AUTS2: variants seen among roughly 807,000 people sequenced by gnomAD.
AUTS2 encodes the protein activator of transcription and developmental regulator AUTS2.
Under a neutral mutation model 112.4 loss-of-function variants are expected in AUTS2, and 17 were observed. The observed-to-expected ratio is 0.15, with a 90% CI of 0.10 to 0.23. The LOEUF (loss-of-function observed/expected upper bound fraction) is 0.23, where lower values mean the gene tolerates loss of function less well. AUTS2 is among the 10% of genes least tolerant of loss of function. The probability of loss-of-function intolerance (pLI) is 1.00; values close to 1 mark genes in which losing one functional copy is unlikely to be tolerated. For missense variants in AUTS2, 1,510 were observed against 1,701.6 expected, an observed-to-expected ratio of 0.89 and a Z score of 1.98; for synonymous variants, 751 against 702.7, an observed-to-expected ratio of 1.07 and a Z score of -1.09.
intron 5 of AUTS2, among the ~76,000 whole-genome samples, chr7:70,670,896 G>T (rs1223897189): frequency 6.6e-6 from 1 of 152,232 alleles, no homozygotes; most frequent in African/African-American, 2.4e-5. Flanking sequence ...AACAGGCGGG[G>T]TGCGGTGGCT....
rs1350800698 is a variant in AUTS2, at chr7:69,654,927, A to AT, written c.309+54966dup. Among the ~76,000 whole-genome samples the AT allele has an allele frequency of 5.3e-5, 8 of 152,302 alleles. No homozygotes were observed. The East Asian group carries it at 1.5e-3, about 29-fold the overall frequency. ...GGGCTCCTGACAAGGAAATAAGGCT[A>AT]TAAGTGCTCTTGCTTTGTAAAGATT... On this transcript the variant is annotated intron_variant, in intron 1 of 18. Coordinates refer to ENST00000342771, the MANE Select transcript of AUTS2 (RefSeq NM_015570.4).
intron 5 of AUTS2, among the ~76,000 whole-genome samples, chr7:70,511,331 G>T (rs922314793): frequency 6.6e-6 from 1 of 151,824 alleles, no homozygotes; most frequent in African/African-American, 2.4e-5. Context: ...ATTTCCAAAT[G>T]CGGAAACTGG....
At chr7:69,658,475 A>G (rs2129140935) in intron 1 of AUTS2, among the ~76,000 whole-genome samples, 1 of 152,326 alleles carries the variant, frequency 6.6e-6, no homozygotes, top group Middle Eastern at 3.4e-3. Flanking sequence ...TTAGAGCTAG[A>G]CAATTATATA....
chr7:69,719,922 C>T (rs1259029973), intron 1 of AUTS2, among the ~76,000 whole-genome samples: 1 of 151,980 alleles, frequency 6.6e-6, no homozygotes, highest in African/African-American at 2.4e-5. Context: ...TGGTAGGGAC[C>T]CTGGCATTGT....
chr7:69,820,994 G>A (rs1436492002), intron 1 of AUTS2, among the ~76,000 whole-genome samples: 1 of 152,142 alleles, frequency 6.6e-6, no homozygotes, highest in East Asian at 1.9e-4. Context: ...ACCTGGAAAG[G>A]CTTTATAACG....
At chr7:70,503,463 G>T (rs1798843229) in intron 5 of AUTS2, among the ~76,000 whole-genome samples, 1 of 151,522 alleles carries the variant, frequency 6.6e-6, no homozygotes, top group African/African-American at 2.4e-5. Context: ...CTACTTGAGA[G>T]GTTGAGGTGG....
At chr7:70,644,638 G>A (rs917743806) in intron 5 of AUTS2, among the ~76,000 whole-genome samples, 3 of 151,676 alleles carry the variant, frequency 2.0e-5, no homozygotes, top group Non-Finnish European at 4.4e-5. Context: ...TCCAGCAAAT[G>A]CCCTTCTTGT....
intron 2 of AUTS2, among the ~76,000 whole-genome samples, chr7:69,995,743 C>T (rs1422014818): frequency 6.6e-6 from 1 of 152,160 alleles, no homozygotes; most frequent in Non-Finnish European, 1.5e-5. Flanking sequence ...CATTCCTTCT[C>T]AACCCATAGA....
intron 4 of AUTS2, among the ~76,000 whole-genome samples, chr7:70,178,105 A>G (rs1011182865): frequency 4.0e-5 from 6 of 151,814 alleles, no homozygotes; most frequent in African/African-American, 1.5e-4. Flanking sequence ...TTGTAGAGAC[A>G]GGGTTTCATC....
chr7:70,745,306 T>G (rs532429569), intron 6 of AUTS2, among the ~76,000 whole-genome samples: 92 of 152,322 alleles, frequency 6.0e-4, no homozygotes, highest in African/African-American at 2.0e-3. Context: ...ATTTTTCTAT[T>G]TAGTTTTTAG....
chr7:69,668,073 G>GTGTGTAGT (rs11282556), intron 1 of AUTS2, among the ~76,000 whole-genome samples: 1 of 151,260 alleles, frequency 6.6e-6, no homozygotes, highest in East Asian at 2.0e-4. Flanking sequence ...TGTTTAAATG[G>GTGTGTAGT]TCAACAGATG....
At chr7:70,107,335 CTTTTT>C (rs35066322) in intron 2 of AUTS2, among the ~76,000 whole-genome samples, 2 of 96,936 alleles carry the variant, frequency 2.1e-5, no homozygotes, top group East Asian at 6.3e-4. Context: ...AGATGAGAAG[CTTTTT>C]TTTTTTTTTT....
intron 12 of AUTS2, chr7:70,775,001 C>T (rs1790596753): frequency 3.8e-6 from 1 of 265,344 alleles, no homozygotes; most frequent in African/African-American, 2.2e-5. Context: ...CTTTAAAAGC[C>T]AGGGGTCTGA....
At chr7:70,477,892 G>A (rs201729918) in intron 5 of AUTS2, among the ~76,000 whole-genome samples, 4 of 31,804 alleles carry the variant, frequency 1.3e-4, no homozygotes, top group African/African-American at 3.3e-4. Flanking sequence ...TGGGTCATCC[G>A]GGGAACTGGA....
At chr7:70,747,481 C>T (rs1021416144) in intron 6 of AUTS2, among the ~76,000 whole-genome samples, 27 of 152,254 alleles carry the variant, frequency 1.8e-4, no homozygotes, top group Admixed American at 7.8e-4. Context: ...ATTTTTGAGA[C>T]GGAGTCTCAC....
chr7:69,714,249 A>ATGTGTGTGTGTGTGTGTGTGTGTGTG (rs200192496), intron 1 of AUTS2, among the ~76,000 whole-genome samples: 1 of 92,780 alleles, frequency 1.1e-5, no homozygotes, highest in Admixed American at 1.1e-4. Context: ...GTGTGTGTAT[A>ATGTGTGTGTGTGTGTGTGTGTGTGTG]TGTGTGTGTG....
chr7:70,414,247 C>G (rs1381213016), intron 4 of AUTS2, among the ~76,000 whole-genome samples: 2 of 152,184 alleles, frequency 1.3e-5, no homozygotes, highest in African/African-American at 4.8e-5. Context: ...ATTGGCCCAT[C>G]ATGTAGAGTA....
intron 3 of AUTS2, 97 bp downstream of exon 3, chr7:70,118,330 C>G: frequency 7.5e-7 from 1 of 1,340,754 alleles, no homozygotes; most frequent in Non-Finnish European, 9.7e-7. Flanking sequence ...ATAACTTTCC[C>G]TCATCTTTAG....
At chr7:70,518,138 G>T (rs1799492978) in intron 5 of AUTS2, among the ~76,000 whole-genome samples, 4 of 152,200 alleles carry the variant, frequency 2.6e-5, no homozygotes, top group Admixed American at 2.6e-4. Context: ...GCAAAGCCTG[G>T]CTAAATTTAT....
Sources: gnomAD v4.1 joint callset for allele counts (sites outside exome capture counted in the v4.1 genomes callset) on GRCh38, gnomAD v4.1.1 for gene constraint, MANE v1.5 for transcripts, NCBI Gene and HGNC (gene_info 2026-07-23, HGNC 2026-07-21) for gene names.